The following SIPA1L3 variants were observed in gnomAD, a reference collection of about 807,000 sequenced individuals.
The protein encoded by SIPA1L3 is signal-induced proliferation-associated 1-like protein 3.
A neutral mutation model predicts 150.1 loss-of-function variants in SIPA1L3; 59 were observed. The ratio of observed to expected loss-of-function variants is 0.39; its 90% CI spans 0.32 to 0.49. The LOEUF is 0.49. Ranked by LOEUF, SIPA1L3 falls within the 20% of genes least tolerant of loss-of-function variation. SIPA1L3 has a pLI of 0.86. For synonymous variants in SIPA1L3, 1,070 were observed against 1,077.6 expected, an observed-to-expected ratio of 0.99 and a Z score of 0.14; for missense variants, 2,211 against 2,489.5, an observed-to-expected ratio of 0.89 and a Z score of 2.38.
intron 1 of SIPA1L3, among the ~76,000 whole-genome samples, chr19:37,945,813 T>C (rs2046705712): frequency 6.6e-6 from 1 of 152,236 alleles, no homozygotes; most frequent in Non-Finnish European, 1.5e-5. Context: ...TAAGTTTTTC[T>C]TGGGACAAAG....
intron 19 of SIPA1L3, chr19:38,199,991 G>A (rs887738346): frequency 1.3e-5 from 2 of 152,196 alleles, no homozygotes; most frequent in African/African-American, 2.4e-5. Flanking sequence ...CACTTTGGGA[G>A]GTCAAGGTAG....
chr19:38,171,983 G>C (rs1972338981), intron 15 of SIPA1L3, among the ~76,000 whole-genome samples: 1 of 152,160 alleles, frequency 6.6e-6, no homozygotes, highest in South Asian at 2.1e-4. Flanking sequence ...GGCCCTACCA[G>C]CTCCATTATG....
chr19:37,941,108 A>ACC (rs945437970), intron 1 of SIPA1L3, among the ~76,000 whole-genome samples: 3 of 150,434 alleles, frequency 2.0e-5, no homozygotes, highest in African/African-American at 7.4e-5. Flanking sequence ...ACACACACAC[A>ACC]CACACACACA....
At chr19:38,054,327 A>C (rs5022085) in intron 2 of SIPA1L3, among the ~76,000 whole-genome samples, 61,216 of 148,996 alleles carry the variant, frequency 0.41, 13,878 homozygotes, top group African/African-American at 0.63. Context: ...GTCTTCGAGG[A>C]CAGGAGTGGT....
At chr19:38,166,936 TAA>T (rs879533284) in intron 15 of SIPA1L3, among the ~76,000 whole-genome samples, 6 of 142,698 alleles carry the variant, frequency 4.2e-5, no homozygotes, top group Non-Finnish European at 3.1e-5. Flanking sequence ...ATATCTATGT[TAA>T]AAAAAAAAAA....
chr19:38,082,193 G>T lies in SIPA1L3; in HGVS notation c.628G>T (p.Val210Leu). The change falls in exon 3 of 22, where the codon GTG (valine) becomes TTG (leucine). Residue 210 changes from valine to leucine, a missense_variant. Val to Leu is a conservative substitution (Grantham distance 32). Transcript: ENST00000222345. ...REYGSTSSID[V>L]QGMPEQSFFD... Reference sequence around the variant, plus strand: ...GTACGGGAGCACCTCGTCCATCGACGTGCAGGGCATGCCCGAGCAGAGCTT... The same window carrying T: ...GTACGGGAGCACCTCGTCCATCGACTTGCAGGGCATGCCCGAGCAGAGCTT... The T allele has an allele frequency of 6.2e-7, 1 of 1,603,916 alleles. No individual in the cohort carries two copies. Among genetic ancestry groups the T allele is most frequent in the South Asian group, 1.1e-5 (1 of 91,084 alleles).
intron 1 of SIPA1L3, among the ~76,000 whole-genome samples, chr19:37,958,827 TC>T (rs1242662117): frequency 6.6e-6 from 1 of 152,178 alleles, no homozygotes; most frequent in African/African-American, 2.4e-5. Context: ...CAAAGAACTC[TC>T]ACAACTTGAC....
chr19:38,192,673 T>C (rs893996406), intron 17 of SIPA1L3, among the ~76,000 whole-genome samples: 1 of 151,870 alleles, frequency 6.6e-6, no homozygotes, highest in African/African-American at 2.4e-5. Context: ...CCAGAGGAAG[T>C]TCAGACTCTT....
intron 2 of SIPA1L3, among the ~76,000 whole-genome samples, chr19:38,064,901 G>A (rs1969537329): frequency 6.6e-6 from 1 of 152,202 alleles, no homozygotes; most frequent in South Asian, 2.1e-4. Flanking sequence ...TGATGGAGCT[G>A]GGAATTGAAC....
At chr19:38,128,769 T>G (rs1971237745) in intron 9 of SIPA1L3, among the ~76,000 whole-genome samples, 1 of 152,050 alleles carries the variant, frequency 6.6e-6, no homozygotes, top group South Asian at 2.1e-4. Flanking sequence ...TGGTGGCAGA[T>G]GCCTGTAATC....
intron 15 of SIPA1L3, among the ~76,000 whole-genome samples, chr19:38,175,672 A>C (rs1355066124): frequency 6.6e-6 from 1 of 152,126 alleles, no homozygotes; most frequent in Non-Finnish European, 1.5e-5. Flanking sequence ...CTCAGGACTC[A>C]GTGCTGAGCA....
intron 1 of SIPA1L3, among the ~76,000 whole-genome samples, chr19:37,984,136 G>A (rs930933857): frequency 3.3e-5 from 5 of 152,160 alleles, no homozygotes; most frequent in African/African-American, 9.7e-5. Context: ...CTCAGGGAGC[G>A]CTGTGTGAGC....
At chr19:38,029,566 T>C (rs7254823) in intron 2 of SIPA1L3, among the ~76,000 whole-genome samples, 21,644 of 152,236 alleles carry the variant, frequency 0.14, 1,567 homozygotes, top group South Asian at 0.21. Flanking sequence ...ATTTTTAAAC[T>C]TTACATAGAG....
chr19:38,143,760 A>G (rs1971646584), intron 12 of SIPA1L3, among the ~76,000 whole-genome samples: 1 of 151,592 alleles, frequency 6.6e-6, no homozygotes, highest in Admixed American at 6.6e-5. Context: ...ACTGGTCTCA[A>G]ACTCCTGGCC....
intron 1 of SIPA1L3, among the ~76,000 whole-genome samples, chr19:37,998,978 A>ATC (rs1967712042): frequency 9.2e-6 from 1 of 109,128 alleles, no homozygotes; most frequent in Non-Finnish European, 1.8e-5. Context: ...AGCCCTATCT[A>ATC]TCACACACAC....
intron 1 of SIPA1L3, chr19:37,964,469 T>G (rs560137384): frequency 1.3e-5 from 2 of 153,630 alleles, no homozygotes; most frequent in Admixed American, 6.5e-5. Flanking sequence ...AAGCATTTAA[T>G]AGTAATTTCT....
rs148948520 is a variant in SIPA1L3, at chr19:38,046,822, G to T, written c.-311+17666G>T. 2.0e-4 allele frequency among the ~76,000 whole-genome samples: 30 copies of T among 152,260 alleles called. No homozygotes were observed. Among genetic ancestry groups the T allele is most frequent in the African/African-American group, 6.3e-4 (26 of 41,552 alleles). ...CCTTCTGCTGTACCCACAGCTGCCC[G>T]CTCAGAGCAAGGTGGCTCTGATCCT... On this transcript the variant is annotated intron_variant, in intron 2 of 21. Coordinates refer to ENST00000222345, the MANE Select transcript of SIPA1L3 (RefSeq NM_015073.3). The surrounding 1 kb of genome is among the most constrained non-coding windows in gnomAD (Gnocchi z 5.6).
At chr19:37,960,360 C>T (rs71354960) in intron 1 of SIPA1L3, among the ~76,000 whole-genome samples, 1 of 151,576 alleles carries the variant, frequency 6.6e-6, no homozygotes, top group Non-Finnish European at 1.5e-5. Flanking sequence ...CCTCAGCCTT[C>T]TGAGTAGCTG....
intron 6 of SIPA1L3, among the ~76,000 whole-genome samples, chr19:38,106,037 C>T (rs1280705715): frequency 1.3e-5 from 2 of 152,164 alleles, no homozygotes; most frequent in Non-Finnish European, 2.9e-5. Context: ...TTGGTGCTGT[C>T]AGACTTTTTA....
Sources: allele counts gnomAD v4.1 joint callset (sites outside exome capture counted in the v4.1 genomes callset), GRCh38; gene constraint gnomAD v4.1.1; non-coding constraint Gnocchi (gnomAD v3.1); transcripts MANE v1.5; gene names NCBI Gene and HGNC (gene_info 2026-07-23, HGNC 2026-07-21).